SIPA1L1: variants seen among roughly 807,000 people sequenced by gnomAD.
SIPA1L1 encodes signal induced proliferation associated 1 like 1.
In SIPA1L1, 26 loss-of-function variants were observed where a neutral mutation model predicts 162.7. That is an observed-to-expected ratio of 0.16 (90% confidence interval 0.12 to 0.22). SIPA1L1 has a LOEUF of 0.22. Ranked by LOEUF, SIPA1L1 falls within the 10% of genes least tolerant of loss-of-function variation. SIPA1L1 has a pLI of 1.00. For synonymous variants in SIPA1L1, 829 were observed against 837.4 expected (o/e 0.99, Z 0.17); for missense variants, 1,874 against 2,241.0 (o/e 0.84, Z 3.31).
At chr14:71,661,708 C>A (rs886640498) in intron 10 of SIPA1L1, among the ~76,000 whole-genome samples, 1 of 152,172 alleles carries the variant, frequency 6.6e-6, no homozygotes, top group Admixed American at 6.5e-5. Flanking sequence ...TAGGTGATGT[C>A]CTTCATCCAT....
Position 71,723,700 on chromosome 14 carries a change from G to T in SIPA1L1, c.4262G>T (p.Ser1421Ile). The T allele has an allele frequency of 6.2e-7, 1 of 1,614,194 alleles. No individual in the cohort carries two copies. The highest frequency in any genetic ancestry group is 8.5e-7 in the Non-Finnish European group (1 of 1,180,044). ...ASPVVFTSAR[S>I]SPKEELHPAA... ...CCAGTGGTTTTCACCAGTGCCCGGA[G>T]TTCACCTAAAGAAGAGCTTCATCCA... The change falls in exon 18 of 24, where the codon AGT becomes ATT. Residue 1421 changes from serine (S) to isoleucine (I), a missense_variant. Ser to Ile is a moderately radical substitution (Grantham distance 142, BLOSUM62 -2). This residue lies in a region of SIPA1L1 where 936 missense variants were observed against 1,051.9 expected (regional missense o/e 0.89). Transcript: ENST00000381232.
At chr14:71,738,633 C>T (rs938314109) in intron 23 of SIPA1L1, among the ~76,000 whole-genome samples, 7 of 152,232 alleles carry the variant, frequency 4.6e-5, no homozygotes, top group East Asian at 1.9e-4. Flanking sequence ...CCCATGTAGT[C>T]GGTGTTATTG....
At chr14:71,428,461 A>G (rs988846121) in intron 2 of SIPA1L1, among the ~76,000 whole-genome samples, 10 of 151,094 alleles carry the variant, frequency 6.6e-5, no homozygotes, top group African/African-American at 2.4e-4. Flanking sequence ...GTGTAAATTT[A>G]AGGTCTTTTC....
At chr14:71,662,365 C>T (rs2043603398) in intron 10 of SIPA1L1, among the ~76,000 whole-genome samples, 1 of 152,224 alleles carries the variant, frequency 6.6e-6, no homozygotes, top group Admixed American at 6.5e-5. Context: ...CATCCTTGCA[C>T]ATATCCTAAT....
At chr14:71,343,269 C>T (rs1463110393) in intron 2 of SIPA1L1, among the ~76,000 whole-genome samples, 1 of 152,190 alleles carries the variant, frequency 6.6e-6, no homozygotes, top group East Asian at 1.9e-4. Flanking sequence ...TCCACAAAGT[C>T]CGTTTCTAAA....
chr14:71,656,781 G>A (rs2043092795), intron 8 of SIPA1L1, among the ~76,000 whole-genome samples: 1 of 152,216 alleles, frequency 6.6e-6, no homozygotes, highest in Non-Finnish European at 1.5e-5. Flanking sequence ...AGCCACAGTT[G>A]TAGTCTATTC....
intron 2 of SIPA1L1, among the ~76,000 whole-genome samples, chr14:71,352,650 A>G (rs1315601910): frequency 6.6e-6 from 1 of 152,164 alleles, no homozygotes; most frequent in Non-Finnish European, 1.5e-5. Context: ...GTCTCTAGCT[A>G]ATGAGTAGCC....
At chr14:71,637,195 C>G (rs1183008291) in intron 7 of SIPA1L1, among the ~76,000 whole-genome samples, 1 of 151,402 alleles carries the variant, frequency 6.6e-6, no homozygotes, top group Non-Finnish European at 1.5e-5. Context: ...TGAAAATCCT[C>G]TAACAAGACT....
At chr14:71,654,484 T>C (rs555269746) in intron 8 of SIPA1L1, among the ~76,000 whole-genome samples, 1 of 152,218 alleles carries the variant, frequency 6.6e-6, no homozygotes, top group African/African-American at 2.4e-5. Flanking sequence ...CACAGGAGAC[T>C]TAGAAGCCGT....
intron 2 of SIPA1L1, among the ~76,000 whole-genome samples, chr14:71,441,297 GC>G (rs1474322265): frequency 4.6e-5 from 7 of 152,182 alleles, no homozygotes; most frequent in Non-Finnish European, 1.0e-4. Context: ...TTCCCTTGGA[GC>G]ATAGGCTGGC....
chr14:71,341,511 T>A (rs1207953164), intron 2 of SIPA1L1, among the ~76,000 whole-genome samples: 1 of 152,204 alleles, frequency 6.6e-6, no homozygotes, highest in African/African-American at 2.4e-5. Flanking sequence ...TCTCCCCAAC[T>A]TTTGTTTTAG....
At chr14:71,737,509 C>T (rs981247576) in intron 22 of SIPA1L1, among the ~76,000 whole-genome samples, 8 of 151,994 alleles carry the variant, frequency 5.3e-5, no homozygotes, top group East Asian at 3.9e-4. Flanking sequence ...ATAGGACCCT[C>T]GGGGTGAGAG....
chr14:71,671,672 G>C lies in SIPA1L1; in HGVS notation c.2809G>C (p.Glu937Gln), dbSNP rs757283394. Reference protein sequence around the residue: ...GSFINIEEIKEIVKRLQFVSK... With the variant: ...GSFINIEEIKQIVKRLQFVSK... Reference sequence around the variant, plus strand: ...TTTTATTAACATTGAGGAGATCAAAGAGATTGTCAAAAGGTTGCAGGTGAG... The same window carrying C: ...TTTTATTAACATTGAGGAGATCAAACAGATTGTCAAAAGGTTGCAGGTGAG... Residue 937 changes from glutamate (E) to glutamine (Q), a missense_variant, in exon 11 of 24, where the codon GAG (glutamate) becomes CAG (glutamine). Transcript: ENST00000381232. 3.7e-6 allele frequency: 6 copies of C among 1,601,054 alleles called. No homozygotes were observed. The highest frequency in any genetic ancestry group is 1.7e-6 in the Non-Finnish European group (2 of 1,174,748).
At chr14:71,493,781 G>A (rs1002082966) in intron 2 of SIPA1L1, among the ~76,000 whole-genome samples, 2 of 152,118 alleles carry the variant, frequency 1.3e-5, no homozygotes, top group African/African-American at 2.4e-5. Flanking sequence ...GTTTATATTT[G>A]GAAAACGTCA....
intron 10 of SIPA1L1, among the ~76,000 whole-genome samples, chr14:71,670,028 C>A (rs1181362017): frequency 6.6e-6 from 1 of 152,046 alleles, no homozygotes. Context: ...ATTTCTATTC[C>A]AAGAGTTCAG....
chr14:71,416,697 A>G (rs899866412), intron 2 of SIPA1L1, among the ~76,000 whole-genome samples: 3 of 148,458 alleles, frequency 2.0e-5, no homozygotes, highest in East Asian at 2.0e-4. Flanking sequence ...AACAATTTCT[A>G]TACTCTAAAA....
chr14:71,667,506 A>G (rs763760481), intron 10 of SIPA1L1, among the ~76,000 whole-genome samples: 1 of 152,182 alleles, frequency 6.6e-6, no homozygotes. Context: ...TGGTGGATCA[A>G]TACTATTAGA....
At chr14:71,587,342 G>A (rs1429786394) in intron 4 of SIPA1L1, among the ~76,000 whole-genome samples, 1 of 151,586 alleles carries the variant, frequency 6.6e-6, no homozygotes, top group African/African-American at 2.4e-5. Context: ...GTTCAATTAA[G>A]ATGAAGTCTT....
In SIPA1L1 at chr14:71,562,137, G is replaced by A. The variant is rs963395267; in HGVS notation, c.-302-25434G>A. On this transcript the variant is annotated intron_variant, in intron 4 of 23. Transcript: ENST00000381232. The stretch of plus-strand genomic sequence containing the variant: ...TTATTCATAATATATATACTATATT[G>A]TCTCAATCTATGTGCCTGATAGTGC... 2.6e-5 allele frequency among the ~76,000 whole-genome samples: 4 copies of A among 151,286 alleles called. No homozygotes were observed. The East Asian group carries it at 5.8e-4, about 22-fold the overall frequency.
Sources: gnomAD v4.1 joint callset for allele counts (sites outside exome capture counted in the v4.1 genomes callset) on GRCh38, gnomAD v4.1.1 for gene constraint, gnomAD v4.1.1 regional missense constraint, MANE v1.5 for transcripts, NCBI Gene and HGNC (gene_info 2026-07-23, HGNC 2026-07-21) for gene names.